The following PGGT1B variants were observed in gnomAD, a reference collection of about 807,000 sequenced individuals.
The protein encoded by PGGT1B is protein geranylgeranyltransferase type I subunit beta.
PGGT1B carries 30 observed loss-of-function variants against 46.1 expected under a neutral mutation model. The ratio of observed to expected loss-of-function variants is 0.65; its 90% CI spans 0.49 to 0.88. The LOEUF is 0.88. PGGT1B is among the 40% of genes least tolerant of loss of function. The pLI, the probability that PGGT1B is intolerant of heterozygous loss-of-function variation, is 0.00. For synonymous variants in PGGT1B, 170 were observed against 160.0 expected, an observed-to-expected ratio of 1.06 and a Z score of -0.47; for missense variants, 376 against 455.9, an observed-to-expected ratio of 0.82 and a Z score of 1.60.
rs1757418665 is a variant in PGGT1B, at chr5:115,243,689, T to C, written c.260-2083A>G. On this transcript the variant is annotated intron_variant, in intron 2 of 8. Coordinates refer to ENST00000419445, the MANE Select transcript of PGGT1B (RefSeq NM_005023.4). ...AGGCATCATCAGGCTAAAGTTAAGG[T>C]GTAGGCAGGGCTACCTTCCTTACTT... Among the ~76,000 whole-genome samples the C allele has an allele frequency of 2.0e-5, 3 of 152,126 alleles. No homozygotes were observed. The South Asian group carries it at 6.2e-4, about 31-fold the overall frequency.
At chr5:115,213,588 A>G (rs13177455) in intron 8 of PGGT1B, among the ~76,000 whole-genome samples, 2,386 of 152,246 alleles carry the variant, frequency 0.016, 34 homozygotes, top group South Asian at 0.05. Flanking sequence ...CCTGGGCAAT[A>G]CGGTGAAGCT....
intron 1 of PGGT1B, among the ~76,000 whole-genome samples, chr5:115,261,320 C>T (rs952445013): frequency 2.6e-5 from 4 of 152,204 alleles, no homozygotes; most frequent in African/African-American, 9.7e-5. Flanking sequence ...TTGTGAGAAT[C>T]TGTTCATCCT....
chr5:115,249,666 T>C (rs1054851256), intron 2 of PGGT1B, among the ~76,000 whole-genome samples: 1 of 151,960 alleles, frequency 6.6e-6, no homozygotes, highest in Non-Finnish European at 1.5e-5. Flanking sequence ...GGGCAGGCGA[T>C]TGAAAAAGGT....
chr5:115,224,223 C>G (rs1336004138), intron 6 of PGGT1B, among the ~76,000 whole-genome samples: 1 of 152,148 alleles, frequency 6.6e-6, no homozygotes, highest in Non-Finnish European at 1.5e-5. Context: ...GATAACCAAG[C>G]CATGACTTCA....
At chr5:115,224,782 G>A (rs888653426) in intron 6 of PGGT1B, among the ~76,000 whole-genome samples, 1 of 148,924 alleles carries the variant, frequency 6.7e-6, no homozygotes. Context: ...GTGGAAGTAG[G>A]ACGATCCCTT....
chr5:115,240,948 A>G (rs909377673), intron 3 of PGGT1B, among the ~76,000 whole-genome samples: 10 of 152,240 alleles, frequency 6.6e-5, no homozygotes, highest in African/African-American at 2.2e-4. Flanking sequence ...TGAAGAAGAA[A>G]TAAAGCTCCT....
intron 4 of PGGT1B, 74 bp downstream of exon 4, chr5:115,237,784 T>G: frequency 7.9e-7 from 1 of 1,261,488 alleles, no homozygotes. Flanking sequence ...AGATCTAGTA[T>G]AGTACTGTAT....
intron 3 of PGGT1B, among the ~76,000 whole-genome samples, chr5:115,238,646 G>A (rs1757260885): frequency 6.6e-6 from 1 of 151,984 alleles, no homozygotes; most frequent in Admixed American, 6.6e-5. Flanking sequence ...ACTAAAAAAC[G>A]ATACAATTAA....
chr5:115,234,333 T>C (rs1454983236), intron 5 of PGGT1B, among the ~76,000 whole-genome samples: 1 of 151,906 alleles, frequency 6.6e-6, no homozygotes, highest in Non-Finnish European at 1.5e-5. Flanking sequence ...ACGAGAATAG[T>C]TACCTACAGG....
intron 8 of PGGT1B, among the ~76,000 whole-genome samples, chr5:115,213,450 C>T (rs751989870): frequency 7.2e-5 from 11 of 151,950 alleles, no homozygotes; most frequent in East Asian, 1.9e-4. Flanking sequence ...TTGAATTGGC[C>T]GACATTTATG....
At chr5:115,222,372 T>C (rs933778790) in intron 6 of PGGT1B, among the ~76,000 whole-genome samples, 3 of 152,194 alleles carry the variant, frequency 2.0e-5, no homozygotes, top group Non-Finnish European at 4.4e-5. Flanking sequence ...AAAGACAGTA[T>C]ATTGCTTATG....
At chr5:115,219,928 AAAAC>A (rs1756536077) in intron 7 of PGGT1B, among the ~76,000 whole-genome samples, 1 of 151,876 alleles carries the variant, frequency 6.6e-6, no homozygotes, top group Non-Finnish European at 1.5e-5. Context: ...TATATACATA[AAAAC>A]AAACAGAAAA....
rs1330819589 is a variant in PGGT1B at position 115,212,875 on chromosome 5, A to C, written c.953-292T>G. Among the ~76,000 whole-genome samples, 3 of 152,354 alleles carry C rather than the reference A, an allele frequency of 2.0e-5. No individual in the cohort carries two copies. The East Asian group carries it at 5.8e-4, about 29-fold the overall frequency. On this transcript the variant is annotated intron_variant, in intron 8 of 8. Coordinates refer to ENST00000419445, the MANE Select transcript of PGGT1B (RefSeq NM_005023.4). ...ACCTCTGTGATTAAAAGACAGGAGT[A>C]GCAGCAGTCATATGTAAGACTTCTC...
intron 3 of PGGT1B, among the ~76,000 whole-genome samples, chr5:115,238,721 T>C (rs1757263691): frequency 6.6e-6 from 1 of 152,228 alleles, no homozygotes; most frequent in Non-Finnish European, 1.5e-5. Context: ...CATAAAATCC[T>C]GGTTCTATTT....
At position 115,253,224 on chromosome 5, in the gene PGGT1B, G is replaced by C; in HGVS notation, c.172C>G (p.Leu58Val). ...LTIAFFALSG[L>V]DMLDSLDVVN... is the part of the protein sequence containing the mutation. The stretch of plus-strand genomic sequence containing the variant: ...ACATCTAAGGAATCCAACATATCCA[G>C]CCCGGAGAGTGCAAAAAATGCAATT... Residue 58 changes from leucine (L) to valine (V), a missense_variant, in exon 2 of 9, where the codon CTG (leucine) becomes GTG (valine). Around this residue, in one of 2 missense-constraint regions of PGGT1B, gnomAD observed 154 missense variants for 142.3 expected, o/e 1.08. Transcript: ENST00000419445. 1.3e-6 allele frequency: 2 copies of C among 1,584,780 alleles called. No homozygotes were observed. The highest frequency in any genetic ancestry group is 1.7e-6 in the Non-Finnish European group (2 of 1,169,824).
chr5:115,212,190 C>A lies in PGGT1B; in HGVS notation c.*212G>T. ...ATACAGTATAAACATTTAAGAACCACGACAAAGTTGTGGTTCAAACTTCAA... is the reference window on the plus strand; with the variant it reads ...ATACAGTATAAACATTTAAGAACCAAGACAAAGTTGTGGTTCAAACTTCAA... On this transcript the variant is annotated 3_prime_UTR_variant, in exon 9 of 9. Transcript: ENST00000419445. 1 of 796,536 alleles carries A rather than the reference C, an allele frequency of 1.3e-6. No individual in the cohort carries two copies. Among genetic ancestry groups the A allele is most frequent in the Non-Finnish European group, 1.8e-6 (1 of 541,580 alleles). The allele number at this position is 796,536 out of a possible 1,614,324, so 49.3% of individuals were successfully genotyped here. A position where few individuals can be genotyped will look rare whatever the true frequency, so the allele number is the denominator to read the frequency against.
intron 2 of PGGT1B, among the ~76,000 whole-genome samples, chr5:115,247,802 T>C (rs1170585580): frequency 1.3e-5 from 2 of 152,178 alleles, no homozygotes; most frequent in South Asian, 4.1e-4. Context: ...CTTAATAATA[T>C]TTCCCTCAAC....
In PGGT1B at chr5:115,236,394, C is replaced by T. The variant is rs769923956; in HGVS notation, c.608G>A (p.Ser203Asn). 1 of 1,592,136 alleles carries T rather than the reference C, an allele frequency of 6.3e-7. No individual in the cohort carries two copies. Among genetic ancestry groups the T allele is most frequent in the South Asian group, 1.2e-5 (1 of 86,684 alleles). ...AATTTTATCAACAGAACTCACCATACTCCTTCTAATATAGGTGATGGCTTT... is the reference window on the plus strand; with the variant it reads ...AATTTTATCAACAGAACTCACCATATTCCTTCTAATATAGGTGATGGCTTT... ...MKKAITYIRR[S>N]MSYDNGLAQG... The change falls in exon 5 of 9, where the codon AGT (serine) becomes AAT (asparagine). Residue 203 changes from serine (S) to asparagine (N), a missense_variant. This residue lies in a region of PGGT1B where 222 missense variants were observed against 313.6 expected (regional missense o/e 0.71). Coordinates refer to ENST00000419445, the MANE Select transcript of PGGT1B (RefSeq NM_005023.4).
At chr5:115,228,743 A>G (rs1756875502) in intron 6 of PGGT1B, among the ~76,000 whole-genome samples, 1 of 152,190 alleles carries the variant, frequency 6.6e-6, no homozygotes, top group Non-Finnish European at 1.5e-5. Context: ...AAGGAACCAG[A>G]ACTAATTCAT....
Sources: allele counts gnomAD v4.1 joint callset (sites outside exome capture counted in the v4.1 genomes callset), GRCh38; gene constraint gnomAD v4.1.1; regional missense constraint gnomAD v4.1.1; transcripts MANE v1.5; gene names NCBI Gene and HGNC (gene_info 2026-07-23, HGNC 2026-07-21).